The following PKHD1 variants were observed in gnomAD, a reference collection of about 807,000 sequenced individuals.
The protein encoded by PKHD1 is fibrocystin.
In PKHD1, 291 loss-of-function variants were observed where a neutral mutation model predicts 412.0. That is an observed-to-expected ratio of 0.71 (90% CI 0.64 to 0.78). The LOEUF (loss-of-function observed/expected upper bound fraction) is 0.78, where lower values mean the gene tolerates loss of function less well. Ranked by LOEUF, PKHD1 falls within the 30% of genes least tolerant of loss-of-function variation. The probability of loss-of-function intolerance (pLI) is 0.00; values close to 1 mark genes in which losing one functional copy is unlikely to be tolerated. For synonymous variants in PKHD1, 1,777 were observed against 1,821.5 expected, an observed-to-expected ratio of 0.98 and a Z score of 0.62; for missense variants, 4,825 against 4,950.7, an observed-to-expected ratio of 0.97 and a Z score of 0.76.
Position 52,010,391 on chromosome 6 carries a change from G to T in PKHD1, c.5669C>A (p.Ala1890Glu). The change falls in exon 35 of 67, where the codon GCA becomes GAA. Residue 1890 changes from alanine (A) to glutamate (E), a missense_variant. Ala to Glu is a moderately radical substitution (Grantham distance 107). Coordinates refer to ENST00000371117, the MANE Select transcript of PKHD1 (RefSeq NM_138694.4). ...ATTGGGCGTCTCACACTCCATCTCT[G>T]CCTCAGTTTCCATGGTAATGTTACA... ...SSCNITMETE[A>E]EMECETPNQP... 1 of 1,610,632 alleles carries T rather than the reference G, an allele frequency of 6.2e-7. No individual in the cohort carries two copies. Among genetic ancestry groups the T allele is most frequent in the Non-Finnish European group, 8.5e-7 (1 of 1,176,950 alleles).
intron 35 of PKHD1, among the ~76,000 whole-genome samples, chr6:51,994,466 T>G (rs1479640979): frequency 1.3e-5 from 2 of 152,184 alleles, no homozygotes; most frequent in Non-Finnish European, 2.9e-5. Flanking sequence ...GAGACATGTT[T>G]CTTTACTAAT....
At chr6:52,006,707 C>T (rs1294959264) in intron 35 of PKHD1, among the ~76,000 whole-genome samples, 6 of 151,920 alleles carry the variant, frequency 3.9e-5, no homozygotes, top group African/African-American at 7.3e-5. Context: ...TTTTTATTTC[C>T]GTAGGTTTTG....
At chr6:52,077,070 C>G (rs1811423972) in intron 5 of PKHD1, among the ~76,000 whole-genome samples, 1 of 152,296 alleles carries the variant, frequency 6.6e-6, no homozygotes. Context: ...ACCATAAGCT[C>G]CACAAAGGCA....
At chr6:51,663,420 C>T (rs1773186140) in intron 60 of PKHD1, among the ~76,000 whole-genome samples, 2 of 152,030 alleles carry the variant, frequency 1.3e-5, no homozygotes, top group African/African-American at 4.8e-5. Context: ...CAATCACTTC[C>T]TTTGTTGATG....
At chr6:51,820,567 T>A (rs1346930996) in intron 52 of PKHD1, among the ~76,000 whole-genome samples, 1 of 152,216 alleles carries the variant, frequency 6.6e-6, no homozygotes, top group African/African-American at 2.4e-5. Flanking sequence ...ACAATATAAC[T>A]GATTTCTTTT....
rs1802144868 is a variant in PKHD1 at position 52,026,105 on chromosome 6, C to T, written c.3705G>A (p.Arg1235=). The change falls in exon 32 of 67, where the codon CGG becomes CGA. Residue 1235 remains arginine, a synonymous_variant. Coordinates refer to ENST00000371117, the MANE Select transcript of PKHD1 (RefSeq NM_138694.4). The part of the protein sequence containing the change: ...PALVWVLVGN[R]SCDIVNLTEA... ...CCGTTAAGTTCACAATGTCACAGGA[C>T]CGATTGCCCACAAGTACCCAAACCA... 1.9e-6 allele frequency: 3 copies of T among 1,614,064 alleles called. No individual in the cohort carries two copies. The highest frequency in any genetic ancestry group is 2.5e-6 in the Non-Finnish European group (3 of 1,180,036).
At chr6:51,650,419 G>A (rs966842265) in intron 61 of PKHD1, among the ~76,000 whole-genome samples, 4 of 151,150 alleles carry the variant, frequency 2.6e-5, no homozygotes, top group African/African-American at 9.7e-5. Flanking sequence ...ATCCTCAATA[G>A]CCTAGGCCAG....
At chr6:52,046,280 G>A in intron 23 of PKHD1, 92 bp from the exon 24 acceptor site, 1 of 994,214 alleles carries the variant, frequency 1.0e-6, no homozygotes, top group Non-Finnish European at 1.6e-6. Flanking sequence ...TACATACTAG[G>A]ATGCCTATCA....
chr6:51,836,314 T>C, intron 51 of PKHD1, 90 bp downstream of exon 51: 1 of 875,306 alleles, frequency 1.1e-6, no homozygotes, highest in Non-Finnish European at 2.0e-6. Context: ...ACCTGCCTGT[T>C]TATTAACAGT....
chr6:51,801,644 T>TGTGTGTGTGTGTGTGTGTGTGTGTGC (rs1474141766), intron 52 of PKHD1, among the ~76,000 whole-genome samples: 1 of 143,066 alleles, frequency 7.0e-6, no homozygotes, highest in Non-Finnish European at 1.5e-5. Context: ...CCTGATTGTG[T>TGTGTGTGTGTGTGTGTGTGTGTGTGC]GTGTGTGTGT....
intron 60 of PKHD1, among the ~76,000 whole-genome samples, chr6:51,688,539 T>A (rs1017384642): frequency 2.0e-5 from 3 of 149,814 alleles, no homozygotes; most frequent in Non-Finnish European, 3.0e-5. Flanking sequence ...AATCAACACA[T>A]CCAGGAGCTA....
intron 1 of PKHD1, among the ~76,000 whole-genome samples, chr6:52,086,783 A>G (rs576893316): frequency 1.8e-4 from 27 of 152,362 alleles, no homozygotes; most frequent in African/African-American, 6.3e-4. Flanking sequence ...TTTTCGTTGC[A>G]AAATTCCCAA....
intron 60 of PKHD1, among the ~76,000 whole-genome samples, chr6:51,692,913 T>C (rs1582118589): frequency 1.3e-5 from 2 of 152,234 alleles, no homozygotes; most frequent in African/African-American, 4.8e-5. Flanking sequence ...TCATTTTGAC[T>C]TAATTATAAC....
chr6:51,981,342 T>TC (rs1795183942), intron 35 of PKHD1, among the ~76,000 whole-genome samples: 1 of 41,124 alleles, frequency 2.4e-5, no homozygotes, highest in African/African-American at 8.9e-5. Context: ...TCCCTCTCCC[T>TC]CTCCCTCTCC....
intron 37 of PKHD1, among the ~76,000 whole-genome samples, chr6:51,932,230 A>G (rs72913667): frequency 0.055 from 8,338 of 152,310 alleles, 293 homozygotes; most frequent in Non-Finnish European, 0.083. Context: ...TACATGCACA[A>G]CGTACATTTA....
chr6:51,661,600 C>G (rs1772882794), intron 60 of PKHD1, among the ~76,000 whole-genome samples: 1 of 151,948 alleles, frequency 6.6e-6, no homozygotes, highest in African/African-American at 2.4e-5. Context: ...ATTAAAGAGT[C>G]CAAGTTGAGG....
intron 36 of PKHD1, among the ~76,000 whole-genome samples, chr6:51,942,779 G>T (rs1408048182): frequency 6.6e-6 from 1 of 151,606 alleles, no homozygotes; most frequent in African/African-American, 2.4e-5. Flanking sequence ...CCGCCTCTTA[G>T]AACCTCTCAT....
At chr6:51,797,768 CTA>C (rs767094387) in intron 52 of PKHD1, among the ~76,000 whole-genome samples, 33 of 152,136 alleles carry the variant, frequency 2.2e-4, no homozygotes, top group Non-Finnish European at 4.4e-4. Context: ...TTAAAAGACT[CTA>C]TGTCTTTTAA....
intron 35 of PKHD1, among the ~76,000 whole-genome samples, chr6:51,999,999 T>G (rs1273798124): frequency 1.3e-5 from 2 of 152,244 alleles, no homozygotes; most frequent in Non-Finnish European, 2.9e-5. Context: ...TGGGTGCCTT[T>G]AATTCTTCAT....
Sources: gnomAD v4.1 joint callset for allele counts (sites outside exome capture counted in the v4.1 genomes callset) on GRCh38, gnomAD v4.1.1 for gene constraint, MANE v1.5 for transcripts, NCBI Gene and HGNC (gene_info 2026-07-23, HGNC 2026-07-21) for gene names.